The following CRYZL1 variants were observed in gnomAD, a reference collection of about 807,000 sequenced individuals.
The protein encoded by CRYZL1 is crystallin zeta like 1.
In CRYZL1, 34 loss-of-function variants were observed where a neutral mutation model predicts 50.6. The observed-to-expected ratio is 0.67, with a 90% CI of 0.51 to 0.89. The LOEUF (loss-of-function observed/expected upper bound fraction) is 0.89, where lower values mean the gene tolerates loss of function less well. Ranked by LOEUF, CRYZL1 falls within the 40% of genes least tolerant of loss-of-function variation. The probability of loss-of-function intolerance (pLI) is 0.00; values close to 1 mark genes in which losing one functional copy is unlikely to be tolerated. For missense variants in CRYZL1, 354 were observed against 402.3 expected (o/e 0.88, Z 1.03); for synonymous variants, 125 against 134.3 (o/e 0.93, Z 0.48).
intron 2 of CRYZL1, among the ~76,000 whole-genome samples, chr21:33,626,422 C>A (rs2087063921): frequency 6.6e-6 from 1 of 151,934 alleles, no homozygotes; most frequent in African/African-American, 2.4e-5. Context: ...CAAGGCCGGG[C>A]ATGGGGGCTC....
intron 5 of CRYZL1, 22 bp downstream of exon 5, chr21:33,616,684 A>G: frequency 6.2e-7 from 1 of 1,609,904 alleles, no homozygotes; most frequent in South Asian, 1.1e-5. Flanking sequence ...GACTTGAAAT[A>G]AGACTATGAA....
intron 2 of CRYZL1, among the ~76,000 whole-genome samples, chr21:33,630,460 C>T (rs912233724): frequency 1.3e-5 from 2 of 152,016 alleles, no homozygotes; most frequent in African/African-American, 2.4e-5. Context: ...ATGGTGCGTG[C>T]CTGTAATCTC....
Position 33,589,434 on chromosome 21 carries a change from G to C in CRYZL1, c.*388C>G, listed in dbSNP as rs2086618779. Reference sequence around the variant, plus strand: ...AAGACTTAAGGAAGGTGTTGAGAACGGAGTTGATACAAAATTAATACGTTA... The same window carrying C: ...AAGACTTAAGGAAGGTGTTGAGAACCGAGTTGATACAAAATTAATACGTTA... On this transcript the variant is annotated 3_prime_UTR_variant, in exon 13 of 13. Coordinates refer to ENST00000381554, the MANE Select transcript of CRYZL1 (RefSeq NM_145858.3). 3.5e-6 allele frequency: 1 copy of C among 289,696 alleles called. No homozygotes were observed. The allele number at this position is 289,696 out of a possible 1,614,324, so 17.9% of individuals were successfully genotyped here.
intron 11 of CRYZL1, 156 bp from the exon 12 acceptor site, chr21:33,591,363 A>G: frequency 1.5e-6 from 1 of 648,922 alleles, no homozygotes; most frequent in East Asian, 2.7e-5. Flanking sequence ...TAGGACGTCA[A>G]GTTTAGCTCT....
chr21:33,641,189 A>C (rs2087314259), intron 1 of CRYZL1: 1 of 1,550,542 alleles, frequency 6.4e-7, no homozygotes, highest in African/African-American at 1.4e-5. Flanking sequence ...ATCTCGCTCC[A>C]GATGATTCCG....
rs1407654857 is a variant in CRYZL1, at chr21:33,589,568, A to G, written c.*254T>C. 1 of 506,366 alleles carries G rather than the reference A, an allele frequency of 2.0e-6. No homozygotes were observed. The highest frequency in any genetic ancestry group is 3.7e-5 in the Admixed American group (1 of 26,714). 31.4% of individuals were successfully genotyped at this position (506,366 alleles called of 1,614,324 possible). A position where few individuals can be genotyped will look rare whatever the true frequency, so the allele number is the denominator to read the frequency against. On this transcript the variant is annotated 3_prime_UTR_variant, in exon 13 of 13. Coordinates refer to ENST00000381554, the MANE Select transcript of CRYZL1 (RefSeq NM_145858.3). Reference sequence around the variant, plus strand: ...AGGAATTTTATAGCAGGGGCAAAATATATAGAAACAATGAAAAGGTTTTTA... The same window carrying G: ...AGGAATTTTATAGCAGGGGCAAAATGTATAGAAACAATGAAAAGGTTTTTA...
At chr21:33,605,865 A>G (rs1007933066) in intron 6 of CRYZL1, among the ~76,000 whole-genome samples, 1 of 151,688 alleles carries the variant, frequency 6.6e-6, no homozygotes, top group Non-Finnish European at 1.5e-5. Context: ...ACTTTATAAC[A>G]CTTTCACAGT....
chr21:33,595,042 C>T, intron 11 of CRYZL1: 1 of 361,032 alleles, frequency 2.8e-6, no homozygotes, highest in Non-Finnish European at 4.0e-6. Flanking sequence ...AGTGCTGCTG[C>T]CTCTAAGCCA....
At chr21:33,591,103 C>G in intron 12 of CRYZL1, 59 bp downstream of exon 12, 2 of 1,298,170 alleles carry the variant, frequency 1.5e-6, no homozygotes, top group Middle Eastern at 1.8e-4. Context: ...GACTGCCTGC[C>G]TTAGCTCCCT....
chr21:33,604,672 G>C (rs1220853346), intron 6 of CRYZL1, among the ~76,000 whole-genome samples: 2 of 152,094 alleles, frequency 1.3e-5, no homozygotes, highest in East Asian at 1.9e-4. Flanking sequence ...GAGGCTGTTA[G>C]AGCACTTTCA....
At position 33,622,142 on chromosome 21, in the gene CRYZL1, G is replaced by A. The variant is rs1269640127; in HGVS notation, c.145-74C>T. On this transcript the variant is annotated intron_variant, in intron 3 of 12. Coordinates refer to ENST00000381554, the MANE Select transcript of CRYZL1 (RefSeq NM_145858.3). ...GGACTCCATTATATATGAGGAAAGC[G>A]AGAGTAAAAGTCAAATCACAGAAAG... is the stretch of plus-strand genomic sequence containing the variant. 48 of 1,165,202 alleles carry A rather than the reference G, an allele frequency of 4.1e-5. 1 individual carries two copies. Among genetic ancestry groups the A allele is most frequent in the South Asian group, 2.4e-4 (18 of 74,360 alleles). 72.2% of individuals were successfully genotyped at this position (1,165,202 alleles called of 1,614,324 possible).
intron 1 of CRYZL1, among the ~76,000 whole-genome samples, chr21:33,635,967 G>C (rs541981870): frequency 6.6e-6 from 1 of 152,062 alleles, no homozygotes; most frequent in African/African-American, 2.4e-5. Context: ...GCAACACAGC[G>C]AGGCTTTGTC....
intron 5 of CRYZL1, among the ~76,000 whole-genome samples, chr21:33,614,112 T>C (rs1389691793): frequency 6.8e-6 from 1 of 147,614 alleles, no homozygotes; most frequent in Non-Finnish European, 1.5e-5. Context: ...GTGGAGGTTG[T>C]AGTGAGCTGA....
intron 1 of CRYZL1, chr21:33,641,147 C>G (rs1467122209): frequency 1.3e-6 from 2 of 1,549,582 alleles, no homozygotes; most frequent in Admixed American, 3.9e-5. Flanking sequence ...ATGTTCGGCC[C>G]CGACCCAGAC....
At chr21:33,606,653 G>A (rs1448282638) in intron 6 of CRYZL1, among the ~76,000 whole-genome samples, 1 of 151,836 alleles carries the variant, frequency 6.6e-6, no homozygotes, top group Non-Finnish European at 1.5e-5. Flanking sequence ...GTTAGATGTG[G>A]GTTAATGTCA....
intron 2 of CRYZL1, among the ~76,000 whole-genome samples, chr21:33,628,374 T>C (rs556328564): frequency 7.7e-4 from 118 of 152,326 alleles, no homozygotes; most frequent in Non-Finnish European, 1.4e-3. Context: ...TTGATAGGGA[T>C]TGAATTGAGT....
At chr21:33,630,960 G>C (rs1419471897) in intron 2 of CRYZL1, among the ~76,000 whole-genome samples, 1 of 152,172 alleles carries the variant, frequency 6.6e-6, no homozygotes, top group Non-Finnish European at 1.5e-5. Context: ...CATAGACGTA[G>C]AGAGTCCAAT....
intron 2 of CRYZL1, among the ~76,000 whole-genome samples, chr21:33,627,701 A>G (rs2087083434): frequency 6.6e-6 from 1 of 150,860 alleles, no homozygotes. Context: ...ATGGAAAATA[A>G]TATCTTTCTA....
chr21:33,635,262 TCA>T (rs925918674), intron 1 of CRYZL1, among the ~76,000 whole-genome samples: 31 of 152,162 alleles, frequency 2.0e-4, no homozygotes, highest in African/African-American at 7.2e-4. Context: ...GTTTTTTGTC[TCA>T]CACTCTGCCA....
Sources: gnomAD v4.1 joint callset for allele counts (sites outside exome capture counted in the v4.1 genomes callset) on GRCh38, gnomAD v4.1.1 for gene constraint, MANE v1.5 for transcripts, NCBI Gene and HGNC (gene_info 2026-07-23, HGNC 2026-07-21) for gene names.